The following SPAG16 variants were observed in gnomAD, a reference collection of about 807,000 sequenced individuals.
The protein encoded by SPAG16 is sperm associated antigen 16.
In SPAG16, 86 loss-of-function variants were observed where a neutral mutation model predicts 80.4. The ratio of observed to expected loss-of-function variants is 1.07; its 90% CI spans 0.90 to 1.28. The LOEUF (loss-of-function observed/expected upper bound fraction) is 1.28. SPAG16 is among the 50% of genes most tolerant of loss of function. SPAG16 has a pLI of 0.00. For missense variants in SPAG16, 870 were observed against 765.3 expected (o/e 1.14, Z -1.61); for synonymous variants, 294 against 265.9 (o/e 1.11, Z -1.03).
chr2:213,347,850 A>T (rs927366226), intron 6 of SPAG16, among the ~76,000 whole-genome samples: 2 of 152,108 alleles, frequency 1.3e-5, no homozygotes, highest in Non-Finnish European at 2.9e-5. Flanking sequence ...TGCTGAAAAG[A>T]TTGTATATTC....
chr2:214,227,349 T>A (rs528385742), intron 15 of SPAG16, among the ~76,000 whole-genome samples: 2 of 152,146 alleles, frequency 1.3e-5, no homozygotes, highest in East Asian at 3.9e-4. Context: ...ACTACAAATA[T>A]ACCTAAAATC....
chr2:213,359,306 C>T (rs1015997155), intron 7 of SPAG16, among the ~76,000 whole-genome samples: 2 of 152,210 alleles, frequency 1.3e-5, no homozygotes, highest in Non-Finnish European at 2.9e-5. Context: ...CTGCTTTCTT[C>T]AGAGCTGTCA....
intron 9 of SPAG16, among the ~76,000 whole-genome samples, chr2:213,386,039 C>T (rs976004601): frequency 1.3e-5 from 2 of 152,110 alleles, no homozygotes; most frequent in African/African-American, 4.8e-5. Context: ...TGACAATTCA[C>T]AAATAACTAT....
chr2:213,341,596 G>A (rs2064691212), intron 6 of SPAG16, among the ~76,000 whole-genome samples: 1 of 152,104 alleles, frequency 6.6e-6, no homozygotes, highest in Non-Finnish European at 1.5e-5. Context: ...GCAGTGGTGA[G>A]ATTAAGGCAT....
At chr2:214,249,945 A>T (rs1409918321) in intron 15 of SPAG16, 1 of 152,186 alleles carries the variant, frequency 6.6e-6, no homozygotes, top group African/African-American at 2.4e-5. Context: ...GTCTGATGTG[A>T]CTAGCTAGCT....
chr2:214,150,122 G>C (rs1284353703), intron 15 of SPAG16, among the ~76,000 whole-genome samples: 1 of 152,004 alleles, frequency 6.6e-6, no homozygotes, highest in Middle Eastern at 3.2e-3. Context: ...AAGAAGTAAA[G>C]AACAAATAAG....
At chr2:213,344,103 CAG>C (rs1409249510) in intron 6 of SPAG16, among the ~76,000 whole-genome samples, 4 of 152,144 alleles carry the variant, frequency 2.6e-5, no homozygotes, top group Non-Finnish European at 5.9e-5. Context: ...CCCATTCTAA[CAG>C]AGGGGTCATG....
At chr2:214,224,405 T>A (rs1235856939) in intron 15 of SPAG16, among the ~76,000 whole-genome samples, 1 of 152,184 alleles carries the variant, frequency 6.6e-6, no homozygotes, top group Non-Finnish European at 1.5e-5. Flanking sequence ...CCATTATGAT[T>A]GAGGTTTATA....
chr2:214,386,081 A>G (rs1409262953), intron 15 of SPAG16, among the ~76,000 whole-genome samples: 1 of 152,158 alleles, frequency 6.6e-6, no homozygotes, highest in African/African-American at 2.4e-5. Flanking sequence ...CGACTTAAAA[A>G]GACAAAAGTA....
At chr2:213,853,402 A>G (rs1242987800) in intron 10 of SPAG16, among the ~76,000 whole-genome samples, 1 of 152,196 alleles carries the variant, frequency 6.6e-6, no homozygotes, top group South Asian at 2.1e-4. Context: ...GAGCTTTTGA[A>G]GTATATATCA....
chr2:214,258,053 C>A (rs1482024654), intron 15 of SPAG16, among the ~76,000 whole-genome samples: 3 of 151,934 alleles, frequency 2.0e-5, no homozygotes, highest in African/African-American at 7.2e-5. Context: ...GAAATTTGTT[C>A]ATTGCACTTA....
chr2:214,294,205 G>A (rs140965647), intron 15 of SPAG16, among the ~76,000 whole-genome samples: 113 of 152,310 alleles, frequency 7.4e-4, no homozygotes, highest in African/African-American at 2.5e-3. Context: ...TTAGTTTCTA[G>A]GCTCGTGGGT....
intron 9 of SPAG16, chr2:213,422,236 T>C (rs1455446544): frequency 2.8e-6 from 2 of 701,790 alleles, no homozygotes; most frequent in Admixed American, 2.0e-5. Context: ...CTGTGCAGTT[T>C]CAGATGTTTC....
intron 12 of SPAG16, among the ~76,000 whole-genome samples, chr2:213,984,257 A>G (rs893817762): frequency 3.3e-5 from 5 of 152,136 alleles, no homozygotes; most frequent in African/African-American, 1.2e-4. Flanking sequence ...GACATTGCAT[A>G]CTGGACTATG....
At chr2:213,407,509 C>A (rs554945994) in intron 9 of SPAG16, among the ~76,000 whole-genome samples, 15 of 151,974 alleles carry the variant, frequency 9.9e-5, no homozygotes, top group African/African-American at 3.4e-4. Flanking sequence ...TGACACAACC[C>A]CCCCGTTCAA....
At chr2:213,992,356 T>C (rs2046326500) in intron 12 of SPAG16, among the ~76,000 whole-genome samples, 1 of 152,214 alleles carries the variant, frequency 6.6e-6, no homozygotes, top group Non-Finnish European at 1.5e-5. Context: ...ACAGCTATAA[T>C]GAATGATTCC....
chr2:213,404,144 A>T (rs1353837768), intron 9 of SPAG16, among the ~76,000 whole-genome samples: 1 of 152,160 alleles, frequency 6.6e-6, no homozygotes, highest in Non-Finnish European at 1.5e-5. Context: ...AAGGTAATTT[A>T]TAGATTCAAT....
chr2:213,916,698 A>C lies in SPAG16; in HGVS notation c.1215-13262A>C, dbSNP rs146292198. 3.0e-3 allele frequency among the ~76,000 whole-genome samples: 463 copies of C among 152,212 alleles called. 2 individuals are homozygous for C. Among genetic ancestry groups the C allele is most frequent in the Non-Finnish European group, 5.4e-3 (367 of 67,986 alleles). On this transcript the variant is annotated intron_variant, in intron 11 of 15. Transcript: ENST00000331683. ...GACACATGGGGATTATCACAATTCA[A>C]TGTGAGATTTGGGTGGACACACAGC...
chr2:213,393,053 G>A (rs993300543), intron 9 of SPAG16, among the ~76,000 whole-genome samples: 1 of 152,008 alleles, frequency 6.6e-6, no homozygotes, highest in Non-Finnish European at 1.5e-5. Context: ...AATATATTCT[G>A]CTTACATAAA....
Sources: allele counts gnomAD v4.1 joint callset (sites outside exome capture counted in the v4.1 genomes callset), GRCh38; gene constraint gnomAD v4.1.1; transcripts MANE v1.5; gene names NCBI Gene and HGNC (gene_info 2026-07-23, HGNC 2026-07-21).